APTX: variants seen among roughly 807,000 people sequenced by gnomAD.
The protein encoded by APTX is forkhead-associated domain histidine triad-like protein.
A neutral mutation model predicts 42.3 loss-of-function variants in APTX; 33 were observed. The observed-to-expected ratio is 0.78, with a 90% CI of 0.59 to 1.04. APTX has a LOEUF of 1.04. APTX is among the 50% of genes least tolerant of loss of function. The probability of loss-of-function intolerance (pLI) is 0.00; values close to 1 mark genes in which losing one functional copy is unlikely to be tolerated. For synonymous variants in APTX, 130 were observed against 146.7 expected, an observed-to-expected ratio of 0.89 and a Z score of 0.82; for missense variants, 421 against 415.1, an observed-to-expected ratio of 1.01 and a Z score of -0.12.
At chr9:33,013,621 A>C (rs529276425) in intron 1 of APTX, among the ~76,000 whole-genome samples, 12 of 152,308 alleles carry the variant, frequency 7.9e-5, no homozygotes, top group Admixed American at 4.6e-4. Context: ...CCTGGCTAAC[A>C]CGGTGAAACC....
chr9:33,023,955 C>T (rs1222361887), intron 1 of APTX, among the ~76,000 whole-genome samples: 2 of 152,236 alleles, frequency 1.3e-5, no homozygotes, highest in Non-Finnish European at 2.9e-5. Flanking sequence ...TATTCTTCCA[C>T]ACCTTAGTAT....
intron 1 of APTX, among the ~76,000 whole-genome samples, chr9:33,014,338 T>C (rs1016860243): frequency 6.6e-6 from 1 of 150,660 alleles, no homozygotes; most frequent in Non-Finnish European, 1.5e-5. Flanking sequence ...TATTTGGAGA[T>C]GTGGGAAATT....
chr9:33,000,687 GTAAC>G (rs1330700128), intron 1 of APTX, among the ~76,000 whole-genome samples: 1 of 150,602 alleles, frequency 6.6e-6, no homozygotes, highest in Admixed American at 6.6e-5. Context: ...TAATAACTGT[GTAAC>G]TAAGAAGAAC....
At chr9:33,019,774 A>C (rs756755841) in intron 1 of APTX, 2 of 599,650 alleles carry the variant, frequency 3.3e-6, no homozygotes, top group Non-Finnish European at 5.8e-6. Context: ...GAAAGTTGAT[A>C]AGGGAAATTC....
chr9:33,004,382 T>C (rs76968738), upstream of APTX, among the ~76,000 whole-genome samples: 541 of 152,334 alleles, frequency 3.6e-3, no homozygotes, highest in African/African-American at 0.012. Flanking sequence ...ATACACTTCA[T>C]CCATGAAACC....
chr9:32,993,169 C>T (rs1464640046), intron 1 of APTX, among the ~76,000 whole-genome samples: 3 of 152,208 alleles, frequency 2.0e-5, no homozygotes, highest in Non-Finnish European at 4.4e-5. Flanking sequence ...ATAAGAACTA[C>T]CCTTTCTGCC....
At chr9:33,023,020 G>A (rs1838515322) in intron 1 of APTX, among the ~76,000 whole-genome samples, 1 of 152,056 alleles carries the variant, frequency 6.6e-6, no homozygotes, top group Non-Finnish European at 1.5e-5. Context: ...GTAGAAACGA[G>A]GTCTTATTAT....
chr9:32,978,957 ATT>A (rs981354195), intron 6 of APTX, among the ~76,000 whole-genome samples: 2 of 152,090 alleles, frequency 1.3e-5, no homozygotes, highest in Non-Finnish European at 1.5e-5. Flanking sequence ...CTAAAAGCAT[ATT>A]TTTTTGGATA....
At chr9:32,976,887 C>A (rs1267827134) in intron 6 of APTX, among the ~76,000 whole-genome samples, 1 of 152,162 alleles carries the variant, frequency 6.6e-6, no homozygotes, top group Non-Finnish European at 1.5e-5. Flanking sequence ...GGCTTGTGAA[C>A]ATAATAATTA....
chr9:33,016,427 CAA>C (rs757985346), intron 1 of APTX, among the ~76,000 whole-genome samples: 1 of 152,008 alleles, frequency 6.6e-6, no homozygotes, highest in South Asian at 2.1e-4. Flanking sequence ...ATCCAGTTTA[CAA>C]AAAAGACAGC....
At chr9:33,025,115 A>C (rs3818644) in exon 1 of APTX, 103,877 of 152,256 alleles carry the variant, frequency 0.68, 36,086 homozygotes, top group African/African-American at 0.83. Context: ...TAGCACCAAC[A>C]CCCACAAGGC....
intron 1 of APTX, among the ~76,000 whole-genome samples, chr9:33,007,836 A>C (rs1195369124): frequency 2.0e-5 from 3 of 151,524 alleles, no homozygotes; most frequent in Non-Finnish European, 4.4e-5. Context: ...TGTGTACTAC[A>C]CTGTCTCCCC....
chr9:33,009,859 C>A (rs1837416755), intron 1 of APTX, among the ~76,000 whole-genome samples: 1 of 152,100 alleles, frequency 6.6e-6, no homozygotes, highest in South Asian at 2.1e-4. Flanking sequence ...TCATGTCATT[C>A]CCCTGCTTAA....
Position 32,972,725 on chromosome 9 carries a change from T to C in APTX, c.*773A>G. ...CAGAACCTATGCTGTGATTGTTAGCTGAACTTCAATAGTTTCCACCTACTT... is the reference window on the plus strand; with the variant it reads ...CAGAACCTATGCTGTGATTGTTAGCCGAACTTCAATAGTTTCCACCTACTT... On this transcript the variant is annotated 3_prime_UTR_variant, in exon 8 of 8. Coordinates refer to ENST00000379817, the MANE Select transcript of APTX (RefSeq NM_001195248.2). 1 of 454,124 alleles carries C rather than the reference T, an allele frequency of 2.2e-6. No individual in the cohort carries two copies. Among genetic ancestry groups the C allele is most frequent in the Non-Finnish European group, 4.4e-6 (1 of 226,782 alleles). 28.1% of individuals were successfully genotyped at this position (454,124 alleles called of 1,614,324 possible).
chr9:32,995,101 T>C (rs1834510832), intron 1 of APTX, among the ~76,000 whole-genome samples: 1 of 152,232 alleles, frequency 6.6e-6, no homozygotes, highest in African/African-American at 2.4e-5. Context: ...AATATTGTTT[T>C]CGTGCTTGAT....
intron 6 of APTX, among the ~76,000 whole-genome samples, chr9:32,975,392 A>C (rs1829133798): frequency 6.6e-6 from 1 of 152,172 alleles, no homozygotes; most frequent in African/African-American, 2.4e-5. Context: ...TAATTTTATT[A>C]TTCTTAAATT....
intron 1 of APTX, among the ~76,000 whole-genome samples, chr9:32,999,411 T>C (rs1453131482): frequency 1.3e-5 from 2 of 152,230 alleles, no homozygotes; most frequent in Non-Finnish European, 2.9e-5. Flanking sequence ...AGTTTTTCTT[T>C]CTTCGGCAAC....
At chr9:32,974,746 T>C (rs1202741177) in intron 6 of APTX, among the ~76,000 whole-genome samples, 185 bp from the exon 7 acceptor site, 1 of 152,218 alleles carries the variant, frequency 6.6e-6, no homozygotes, top group Non-Finnish European at 1.5e-5. Context: ...GAATATTTAA[T>C]GCTCAATAAG....
chr9:33,017,928 G>A (rs996353347), intron 1 of APTX, among the ~76,000 whole-genome samples: 4 of 70,798 alleles, frequency 5.6e-5, no homozygotes, highest in African/African-American at 2.4e-4. Flanking sequence ...AGCAACCAGC[G>A]CCCCCCCCCC....
Sources: allele counts gnomAD v4.1 joint callset (sites outside exome capture counted in the v4.1 genomes callset), GRCh38; gene constraint gnomAD v4.1.1; transcripts MANE v1.5; gene names NCBI Gene and HGNC (gene_info 2026-07-23, HGNC 2026-07-21).